The following MPDZ variants were observed in gnomAD, a reference collection of about 807,000 sequenced individuals.
The protein encoded by MPDZ is multiple PDZ domain protein.
Under a neutral mutation model 239.1 loss-of-function variants are expected in MPDZ, and 234 were observed. The observed-to-expected ratio is 0.98, with a 90% CI of 0.88 to 1.09. The LOEUF (loss-of-function observed/expected upper bound fraction) is 1.09. MPDZ is among the 50% of genes least tolerant of loss of function. MPDZ has a pLI of 0.00. For missense variants in MPDZ, 3,175 were observed against 2,510.0 expected (o/e 1.26, Z -5.66); for synonymous variants, 1,048 against 881.3 (o/e 1.19, Z -3.35).
At position 13,175,324 on chromosome 9, in the gene MPDZ, GTCTT is replaced by G. The variant is rs1050754792; in HGVS notation, c.3055+424_3055+427del. On this transcript the variant is annotated intron_variant, in intron 21 of 46. Transcript: ENST00000319217. Reference sequence around the variant, plus strand: ...GGTGGCACACCTGGTTGTCTTTTTAGTCTTTCTTTCAGTGAGTGAAAGAAATTAA... The same window carrying G: ...GGTGGCACACCTGGTTGTCTTTTTAGTCTTTCAGTGAGTGAAAGAAATTAA... Among the ~76,000 whole-genome samples, 75 of 152,220 alleles carry G rather than the reference GTCTT, an allele frequency of 4.9e-4. 1 individual carries two copies. Among genetic ancestry groups the G allele is most frequent in the African/African-American group, 1.7e-3 (71 of 41,540 alleles).
intron 12 of MPDZ, among the ~76,000 whole-genome samples, chr9:13,203,678 AG>A (rs1389553881): frequency 1.3e-5 from 2 of 151,448 alleles, no homozygotes; most frequent in African/African-American, 4.9e-5. Flanking sequence ...TGTTTAAAAA[AG>A]ATTCTGGGAC....
In MPDZ at chr9:13,112,117, G is replaced by C. The variant is rs10809904; in HGVS notation, c.5631C>G (p.Ile1877Met). The C allele has an allele frequency of 1.6e-5, 26 of 1,612,946 alleles. No individual in the cohort carries two copies. Among genetic ancestry groups the C allele is most frequent in the Non-Finnish European group, 2.0e-5 (24 of 1,179,326 alleles). ...CAAGTGGGCTGCCTACTCCTCCAGC[G>C]ATGCTGATTCCCAGTGAGTCAGTAG... The part of the protein sequence containing the change: ...KGPTDSLGIS[I>M]AGGVGSPLGD... The change falls in exon 43 of 47, where the codon ATC becomes ATG. Residue 1877 changes from isoleucine (I) to methionine (M), a missense_variant. Coordinates refer to ENST00000319217, the MANE Select transcript of MPDZ (RefSeq NM_001378778.1).
At chr9:13,185,807 G>T (rs528248494) in intron 18 of MPDZ, among the ~76,000 whole-genome samples, 1 of 152,022 alleles carries the variant, frequency 6.6e-6, no homozygotes, top group East Asian at 1.9e-4. Context: ...AAAACATGGG[G>T]TTTACCTTTC....
At chr9:13,145,508 C>A (rs918498183) in intron 26 of MPDZ, among the ~76,000 whole-genome samples, 5 of 152,014 alleles carry the variant, frequency 3.3e-5, no homozygotes, top group Non-Finnish European at 5.9e-5. Flanking sequence ...ACAGATAACA[C>A]AATTACCAGT....
At chr9:13,118,494 AC>A (rs1454452837) in intron 39 of MPDZ, among the ~76,000 whole-genome samples, 1 of 152,172 alleles carries the variant, frequency 6.6e-6, no homozygotes, top group African/African-American at 2.4e-5. Context: ...TAGACCTCCA[AC>A]AGCTCTACTG....
intron 15 of MPDZ, among the ~76,000 whole-genome samples, chr9:13,190,718 T>C (rs1025619763): frequency 9.2e-5 from 14 of 152,158 alleles, no homozygotes; most frequent in African/African-American, 2.9e-4. Flanking sequence ...CTATACTCTA[T>C]ACAAATAAGA....
chr9:13,108,875 T>A, intron 46 of MPDZ, 61 bp downstream of exon 46: 1 of 1,553,718 alleles, frequency 6.4e-7, no homozygotes, highest in South Asian at 1.2e-5. Flanking sequence ...ATAAGCCAGC[T>A]GCTGACCACT....
intron 1 of MPDZ, among the ~76,000 whole-genome samples, chr9:13,252,275 A>T (rs971056452): frequency 7.2e-5 from 11 of 152,124 alleles, no homozygotes; most frequent in African/African-American, 2.7e-4. Context: ...GGCAATTAAA[A>T]CACATAAATA....
chr9:13,269,464 A>G lies in MPDZ; in HGVS notation c.-58+9936T>C, dbSNP rs367814975. 1.1e-4 allele frequency among the ~76,000 whole-genome samples: 16 copies of G among 152,284 alleles called. No individual in the cohort carries two copies. In the East Asian group the frequency reaches 2.7e-3, roughly 26 times the overall value. ...TAAATTAAAAATCCTAGTGGAATCA[A>G]TAACATTCCTGCAAGCTCCAAGATG... is the stretch of plus-strand genomic sequence containing the variant. On this transcript the variant is annotated intron_variant, in intron 1 of 46. Coordinates refer to ENST00000319217, the MANE Select transcript of MPDZ (RefSeq NM_001378778.1).
At position 13,224,416 on chromosome 9, in the gene MPDZ, AG is replaced by A; in HGVS notation, c.350del (p.Pro117LeufsTer19). 6.2e-7 allele frequency: 1 copy of A among 1,612,778 alleles called. No homozygotes were observed. Among genetic ancestry groups the A allele is most frequent in the Non-Finnish European group, 8.5e-7 (1 of 1,179,230 alleles). On this transcript the variant is annotated frameshift_variant, in exon 4 of 47. Coordinates refer to ENST00000319217, the MANE Select transcript of MPDZ (RefSeq NM_001378778.1). LOFTEE classifies it high-confidence loss of function. ...GPGIPHINGK[P>X]ACDEFDQLIK... is the part of the protein sequence containing the mutation. ...TAAGCTGATCAAATTCATCACAAGC[AG>A]GTTTCCCATTAATGTGTGGAATACC...
intron 22 of MPDZ, among the ~76,000 whole-genome samples, chr9:13,163,088 TAAC>T (rs1950658494): frequency 1.3e-5 from 2 of 152,118 alleles, no homozygotes; most frequent in African/African-American, 4.8e-5. Context: ...ATGAAAAGGC[TAAC>T]AACAATTTTT....
intron 2 of MPDZ, among the ~76,000 whole-genome samples, chr9:13,249,264 AC>A (rs1264503572): frequency 2.0e-5 from 3 of 152,168 alleles, no homozygotes; most frequent in South Asian, 4.1e-4. Context: ...ATTAATTTCC[AC>A]ATCAATTTTT....
chr9:13,206,229 G>A (rs894143375), intron 10 of MPDZ, 130 bp from the exon 11 acceptor site: 6 of 839,000 alleles, frequency 7.2e-6, no homozygotes, highest in Non-Finnish European at 1.1e-5. Context: ...CCTTATCAGG[G>A]AATTGACAGT....
intron 1 of MPDZ, among the ~76,000 whole-genome samples, chr9:13,273,198 C>A (rs1588261858): frequency 1.3e-5 from 2 of 152,068 alleles, no homozygotes; most frequent in Non-Finnish European, 2.9e-5. Flanking sequence ...TTATAAGGGA[C>A]CCAGTGTTTG....
chr9:13,278,238 T>A (rs772205749), intron 1 of MPDZ, among the ~76,000 whole-genome samples: 1 of 152,128 alleles, frequency 6.6e-6, no homozygotes, highest in African/African-American at 2.4e-5. Flanking sequence ...GGTCCTCTTA[T>A]CTATCTGATG....
At chr9:13,161,488 T>C (rs1324654537) in intron 23 of MPDZ, among the ~76,000 whole-genome samples, 1 of 151,974 alleles carries the variant, frequency 6.6e-6, no homozygotes, top group Non-Finnish European at 1.5e-5. Flanking sequence ...GAAGAATCAC[T>C]TGAACCCGGG....
chr9:13,137,129 C>T (rs988365236), intron 29 of MPDZ, among the ~76,000 whole-genome samples: 1 of 152,030 alleles, frequency 6.6e-6, no homozygotes, highest in Non-Finnish European at 1.5e-5. Flanking sequence ...CTGCACAAAA[C>T]GAGGGCTCTG....
rs578234518 is a variant in MPDZ at position 13,252,942 on chromosome 9, T to A, written c.-57-2570A>T. On this transcript the variant is annotated intron_variant, in intron 1 of 46. Transcript: ENST00000319217. ...GTCACTTATCTTTTCTGAATCTGAATCTCTATTTATAAATGAATGATGTTT... is the reference window on the plus strand; with the variant it reads ...GTCACTTATCTTTTCTGAATCTGAAACTCTATTTATAAATGAATGATGTTT... 7.2e-5 allele frequency among the ~76,000 whole-genome samples: 11 copies of A among 152,296 alleles called. No individual in the cohort carries two copies. The East Asian group carries it at 2.1e-3, about 29-fold the overall frequency.
chr9:13,236,211 G>GTATA (rs1186572393), intron 3 of MPDZ, among the ~76,000 whole-genome samples: 4 of 104,102 alleles, frequency 3.8e-5, no homozygotes, highest in Non-Finnish European at 7.7e-5. Context: ...GTGTGTGTGT[G>GTATA]TGTGTGTGTG....
Sources: allele counts gnomAD v4.1 joint callset (sites outside exome capture counted in the v4.1 genomes callset), GRCh38; gene constraint gnomAD v4.1.1; transcripts MANE v1.5; gene names NCBI Gene and HGNC (gene_info 2026-07-23, HGNC 2026-07-21).